The following ZMIZ1 variants were observed in gnomAD, a reference collection of about 807,000 sequenced individuals.
The protein encoded by ZMIZ1 is zinc finger MIZ-type containing 1.
ZMIZ1 carries 17 observed loss-of-function variants against 113.9 expected under a neutral mutation model. That is an observed-to-expected ratio of 0.15 (90% CI 0.10 to 0.22). ZMIZ1 has a LOEUF of 0.22. Ranked by LOEUF, ZMIZ1 falls within the 10% of genes least tolerant of loss-of-function variation. The pLI is 1.00. For missense variants in ZMIZ1, 1,059 were observed against 1,477.8 expected, an observed-to-expected ratio of 0.72 and a Z score of 4.65; for synonymous variants, 607 against 603.1, an observed-to-expected ratio of 1.01 and a Z score of -0.09.
At chr10:79,149,664 T>G (rs1214068662) in intron 3 of ZMIZ1, among the ~76,000 whole-genome samples, 1 of 152,216 alleles carries the variant, frequency 6.6e-6, no homozygotes, top group Non-Finnish European at 1.5e-5. Flanking sequence ...GTTGTCCTCA[T>G]GTGGGGCTGC....
At chr10:79,199,296 A>G (rs1847970777) in intron 4 of ZMIZ1, among the ~76,000 whole-genome samples, 1 of 152,152 alleles carries the variant, frequency 6.6e-6, no homozygotes, top group Admixed American at 6.5e-5. Flanking sequence ...TCACGAGATC[A>G]GGAGATTGAG....
intron 8 of ZMIZ1, among the ~76,000 whole-genome samples, chr10:79,281,438 T>A (rs1852734851): frequency 6.6e-6 from 1 of 152,160 alleles, no homozygotes; most frequent in Non-Finnish European, 1.5e-5. Context: ...GAGGGGTAGT[T>A]GCATTCTATG....
chr10:79,200,450 G>A (rs371223549), intron 4 of ZMIZ1, among the ~76,000 whole-genome samples: 1 of 152,198 alleles, frequency 6.6e-6, no homozygotes, highest in East Asian at 1.9e-4. Flanking sequence ...ACTTAGCTCT[G>A]TCATCCAGAG....
At chr10:79,079,644 G>GC (rs1401240308) in intron 1 of ZMIZ1, among the ~76,000 whole-genome samples, 1 of 152,164 alleles carries the variant, frequency 6.6e-6, no homozygotes, top group Admixed American at 6.5e-5. Flanking sequence ...GGGGCCGGGG[G>GC]GGTCCAGGGA....
intron 1 of ZMIZ1, among the ~76,000 whole-genome samples, chr10:79,086,391 T>G (rs1219161160): frequency 6.6e-6 from 1 of 152,214 alleles, no homozygotes; most frequent in African/African-American, 2.4e-5. Flanking sequence ...GATGAGTTCT[T>G]GAATGATCAA....
intron 8 of ZMIZ1, among the ~76,000 whole-genome samples, chr10:79,281,480 G>C (rs917969106): frequency 6.6e-6 from 1 of 152,176 alleles, no homozygotes; most frequent in African/African-American, 2.4e-5. Flanking sequence ...GAAATGTTAT[G>C]GGCCGAAGAG....
intron 22 of ZMIZ1, 150 bp from the exon 23 acceptor site, chr10:79,307,255 A>G (rs1280854851): frequency 6.9e-6 from 5 of 720,940 alleles, no homozygotes; most frequent in African/African-American, 3.6e-5. Context: ...GCTCTATCCT[A>G]CAGCCCGGAA....
intron 5 of ZMIZ1, among the ~76,000 whole-genome samples, chr10:79,205,637 G>A: frequency 6.6e-6 from 1 of 152,222 alleles, no homozygotes; most frequent in East Asian, 1.9e-4. Flanking sequence ...TCACAGATGA[G>A]GGTCTGATGT....
chr10:79,298,322 G>A (rs1361645408), intron 14 of ZMIZ1, 84 bp from the exon 15 acceptor site: 29 of 1,447,714 alleles, frequency 2.0e-5, no homozygotes, highest in Non-Finnish European at 2.6e-5. Context: ...AGGCCCCTGG[G>A]ATGAGTGCGG....
intron 8 of ZMIZ1, among the ~76,000 whole-genome samples, chr10:79,277,563 C>T (rs1262285430): frequency 6.6e-6 from 1 of 152,232 alleles, no homozygotes; most frequent in Non-Finnish European, 1.5e-5. Context: ...TTCTAGGCTT[C>T]TGGCAGAACG....
chr10:79,297,616 G>C lies in ZMIZ1; in HGVS notation c.1417G>C (p.Glu473Gln). Residue 473 changes from glutamate (E) to glutamine (Q), a missense_variant, in exon 14 of 25, where the codon GAA becomes CAA. This residue lies in a region of ZMIZ1 where 239 missense variants were observed against 247.5 expected (regional missense o/e 0.97). Coordinates refer to ENST00000334512, the MANE Select transcript of ZMIZ1 (RefSeq NM_020338.4). ...GTTGTTTATCTTGTTTTAATAGCCAGAACAGTTTAATGGACAAAATAACAC... is the reference window on the plus strand; with the variant it reads ...GTTGTTTATCTTGTTTTAATAGCCACAACAGTTTAATGGACAAAATAACAC... Reference protein sequence around the residue: ...TVNMGQYYKPEQFNGQNNTFS... With the variant: ...TVNMGQYYKPQQFNGQNNTFS... 2 of 1,614,006 alleles carry C rather than the reference G, an allele frequency of 1.2e-6. No individual in the cohort carries two copies. Among genetic ancestry groups the C allele is most frequent in the Non-Finnish European group, 1.7e-6 (2 of 1,179,926 alleles).
chr10:79,138,909 G>A (rs1845139582), intron 2 of ZMIZ1, among the ~76,000 whole-genome samples: 1 of 152,172 alleles, frequency 6.6e-6, no homozygotes, highest in African/African-American at 2.4e-5. Context: ...GTGAGTGGAA[G>A]GTGAACATTA....
chr10:79,245,731 A>T (rs898375883), intron 7 of ZMIZ1, among the ~76,000 whole-genome samples: 2 of 152,188 alleles, frequency 1.3e-5, no homozygotes, highest in African/African-American at 4.8e-5. Flanking sequence ...GGAGTGACTG[A>T]GCTGGGTCTA....
chr10:79,166,883 T>C (rs1202382980), intron 4 of ZMIZ1, among the ~76,000 whole-genome samples: 2 of 152,232 alleles, frequency 1.3e-5, no homozygotes, highest in Non-Finnish European at 2.9e-5. Flanking sequence ...TTCCTGGAAG[T>C]GCCTGCTGCG....
intron 2 of ZMIZ1, among the ~76,000 whole-genome samples, chr10:79,136,603 C>T (rs1226324388): frequency 2.0e-5 from 3 of 152,266 alleles, no homozygotes; most frequent in Admixed American, 6.5e-5. Flanking sequence ...CTGGCAATGG[C>T]ATCCCTGCCA....
At chr10:79,072,133 T>G (rs1842308432) in intron 1 of ZMIZ1, among the ~76,000 whole-genome samples, 1 of 152,130 alleles carries the variant, frequency 6.6e-6, no homozygotes, top group African/African-American at 2.4e-5. Flanking sequence ...GGCTTCTTTG[T>G]GGGGACAAAA....
intron 1 of ZMIZ1, among the ~76,000 whole-genome samples, chr10:79,086,685 T>A (rs11596288): frequency 0.13 from 19,550 of 152,042 alleles, 1,707 homozygotes; most frequent in Non-Finnish European, 0.2. Context: ...TTGAAAAAAA[T>A]TTTTTTTGTA....
Position 79,069,338 on chromosome 10 carries a change from G to C in ZMIZ1, c.-337+68G>C, listed in dbSNP as rs1213218574. 1 of 150,570 alleles carries C rather than the reference G, an allele frequency of 6.6e-6. No homozygotes were observed. Among genetic ancestry groups the C allele is most frequent in the East Asian group, 1.9e-4 (1 of 5,164 alleles). The allele number at this position is 150,570 out of a possible 1,614,324, so 9.3% of individuals were successfully genotyped here. A position where few individuals can be genotyped will look rare whatever the true frequency, so the allele number is the denominator to read the frequency against. ...TACCTCCCGCTCCCCGGGGACTCTCGGGGTGCAAGCGTGGGGATTGGGTGC... is the reference window on the plus strand; with the variant it reads ...TACCTCCCGCTCCCCGGGGACTCTCCGGGTGCAAGCGTGGGGATTGGGTGC... On this transcript the variant is annotated intron_variant, in intron 1 of 24. Transcript: ENST00000334512. This position sits in a 1 kb window ranked among gnomAD's most constrained non-coding sequence, Gnocchi z 4.6.
chr10:79,290,866 G>C, intron 9 of ZMIZ1, 93 bp from the exon 10 acceptor site: 1 of 1,446,578 alleles, frequency 6.9e-7, no homozygotes, highest in Non-Finnish European at 9.7e-7. Flanking sequence ...CCTCCACTTT[G>C]TTCTTTCTCC....
Sources: allele counts gnomAD v4.1 joint callset (sites outside exome capture counted in the v4.1 genomes callset), GRCh38; gene constraint gnomAD v4.1.1; regional missense constraint gnomAD v4.1.1; non-coding constraint Gnocchi (gnomAD v3.1); transcripts MANE v1.5; gene names NCBI Gene and HGNC (gene_info 2026-07-23, HGNC 2026-07-21).